The following CHD5 variants were observed in gnomAD, a reference collection of about 807,000 sequenced individuals.
CHD5 encodes the protein ATP-dependent chromatin remodeler CHD5.
A neutral mutation model predicts 230.3 loss-of-function variants in CHD5; 69 were observed. The observed-to-expected ratio is 0.30, with a 90% CI of 0.25 to 0.37. The LOEUF (loss-of-function observed/expected upper bound fraction) is 0.37, where lower values mean the gene tolerates loss of function less well. Among genes scored for constraint, CHD5 ranks in the 10% least tolerant of loss-of-function variants. CHD5 has a pLI of 1.00. For synonymous variants in CHD5, 1,064 were observed against 1,065.9 expected (o/e 1.00, Z 0.03); for missense variants, 1,827 against 2,622.8 (o/e 0.70, Z 6.63).
intron 2 of CHD5, among the ~76,000 whole-genome samples, chr1:6,165,953 G>A (rs550729871): frequency 1.1e-4 from 17 of 152,108 alleles, no homozygotes; most frequent in Non-Finnish European, 2.5e-4. Context: ...GAGTCTCTGG[G>A]GCATGATGGG....
At chr1:6,175,687 TG>T (rs1362406005) in intron 1 of CHD5, among the ~76,000 whole-genome samples, 1 of 148,722 alleles carries the variant, frequency 6.7e-6, no homozygotes, top group African/African-American at 2.5e-5. Flanking sequence ...AACAAATGGA[TG>T]GATGGATGGA....
intron 29 of CHD5, 63 bp from the exon 30 acceptor site, chr1:6,124,724 G>A (rs1292308859): frequency 2.9e-6 from 3 of 1,047,346 alleles, no homozygotes; most frequent in Non-Finnish European, 1.4e-6. Context: ...CCTCTGAGAG[G>A]GCTGGCAGGA....
Position 6,175,410 on chromosome 1 carries a change from A to G in CHD5, c.79+4535T>C, listed in dbSNP as rs554526515. On this transcript the variant is annotated intron_variant, in intron 1 of 41. Transcript: ENST00000262450. ...GGATGCATGGATGGATGGTGGATAG[A>G]TGAATGGATGGATGACGGGTGGATA... Among the ~76,000 whole-genome samples, 6 of 149,276 alleles carry G rather than the reference A, an allele frequency of 4.0e-5. No homozygotes were observed. In the South Asian group the frequency reaches 1.1e-3, roughly 27 times the overall value.
chr1:6,122,430 C>G (rs1440468859), intron 31 of CHD5, among the ~76,000 whole-genome samples: 2 of 152,176 alleles, frequency 1.3e-5, no homozygotes, highest in African/African-American at 4.8e-5. Context: ...CAATCAGAAC[C>G]ACAGTGAGAC....
rs1441738040 is a variant in CHD5 at position 6,152,892 on chromosome 1, C to A, written c.746-356G>T. 2.6e-5 allele frequency among the ~76,000 whole-genome samples: 4 copies of A among 152,204 alleles called. No individual in the cohort carries two copies. The East Asian group carries it at 7.7e-4, about 29-fold the overall frequency. On this transcript the variant is annotated intron_variant, in intron 5 of 41. Transcript: ENST00000262450. ...CCAGCAGGGCCACTGAAGGCACAGC[C>A]GCCCACCTGTGGTCCATGCCTGAGC... is the stretch of plus-strand genomic sequence containing the variant.
Position 6,121,115 on chromosome 1 carries a change from C to A in CHD5, c.4902G>T (p.Gln1634His). The A allele has an allele frequency of 6.2e-7, 1 of 1,600,204 alleles. No individual in the cohort carries two copies. The highest frequency in any genetic ancestry group is 1.1e-5 in the South Asian group (1 of 88,738). ...GCAAGAAGCCCCAACCTCTCGGCAG[C>A]TGCTCCGGGGAGGGCGGGGCCTTCT... ...ETEKAPPSPE[Q>H]LPREEVLPEK... The change falls in exon 33 of 42, where the codon CAG becomes CAT. Residue 1634 changes from glutamine to histidine, a missense_variant. Around this residue, in one of 14 missense-constraint regions of CHD5, gnomAD observed 272 missense variants for 263.2 expected, o/e 1.03. Coordinates refer to ENST00000262450, the MANE Select transcript of CHD5 (RefSeq NM_015557.3). This position sits in a 1 kb window ranked among gnomAD's most constrained non-coding sequence, Gnocchi z 4.5.
intron 17 of CHD5, 50 bp from the exon 18 acceptor site, chr1:6,135,453 G>A (rs1448594106): frequency 6.5e-7 from 1 of 1,543,518 alleles, no homozygotes; most frequent in Admixed American, 1.8e-5. Context: ...CCGGGGCAGG[G>A]GAGGCAGGGT....
chr1:6,138,896 A>C (rs541326722), intron 15 of CHD5, among the ~76,000 whole-genome samples: 1 of 152,282 alleles, frequency 6.6e-6, no homozygotes, highest in East Asian at 1.9e-4. Context: ...AGATAAACAA[A>C]ATGTGGTCTA....
chr1:6,144,009 A>G lies in CHD5; in HGVS notation c.1934+15T>C. The G allele has an allele frequency of 6.2e-7, 1 of 1,614,068 alleles. No individual in the cohort carries two copies. Among genetic ancestry groups the G allele is most frequent in the Non-Finnish European group, 8.5e-7 (1 of 1,180,008 alleles). On this transcript the variant is annotated intron_variant, in intron 12 of 41. Transcript: ENST00000262450. ...CCGGCAGCCTGTGCCTAGCAGCCGG[A>G]TCCCTGCGACCCACCTGTGGCCCCA...
chr1:6,160,530 G>A (rs987305942), intron 2 of CHD5, among the ~76,000 whole-genome samples: 3 of 145,250 alleles, frequency 2.1e-5, no homozygotes, highest in Non-Finnish European at 3.0e-5. Context: ...GGGAAGGGCC[G>A]CTGCATCTCA....
intron 1 of CHD5, among the ~76,000 whole-genome samples, chr1:6,179,049 G>A (rs1056732009): frequency 2.0e-5 from 3 of 152,260 alleles, no homozygotes; most frequent in Non-Finnish European, 4.4e-5. Flanking sequence ...TGTGCCAGGA[G>A]GGAAAACGTC....
intron 2 of CHD5, among the ~76,000 whole-genome samples, chr1:6,166,705 G>A (rs1047378769): frequency 7.2e-6 from 1 of 139,442 alleles, no homozygotes; most frequent in South Asian, 2.2e-4. Flanking sequence ...ACCCGAACAA[G>A]CCGGGGAAGT....
Position 6,146,624 on chromosome 1 carries a change from A to G in CHD5, c.1590+41T>C. On this transcript the variant is annotated intron_variant, in intron 10 of 41. Transcript: ENST00000262450. This position sits in a 1 kb window ranked among gnomAD's most constrained non-coding sequence, Gnocchi z 5.1. Reference sequence around the variant, plus strand: ...AGCCCAGGAGGGTCCAGGGCTCACCAGGTCCCGGGCCTTAGCACAGCCACC... The same window carrying G: ...AGCCCAGGAGGGTCCAGGGCTCACCGGGTCCCGGGCCTTAGCACAGCCACC... The G allele has an allele frequency of 6.3e-7, 1 of 1,596,500 alleles. No individual in the cohort carries two copies. Among genetic ancestry groups the G allele is most frequent in the Non-Finnish European group, 8.6e-7 (1 of 1,164,618 alleles).
Position 6,151,086 on chromosome 1 carries a change from C to A in CHD5, c.940G>T (p.Glu314Ter), listed in dbSNP as rs754586094. 2 of 1,608,952 alleles carry A rather than the reference C, an allele frequency of 1.2e-6. No individual in the cohort carries two copies. Among genetic ancestry groups the A allele is most frequent in the Non-Finnish European group, 1.7e-6 (2 of 1,177,392 alleles). Residue 314 changes from glutamate (E) to a stop codon, truncating the protein, a stop_gained, in exon 7 of 42, where the codon GAA (glutamate) becomes TAA (stop). Coordinates refer to ENST00000262450, the MANE Select transcript of CHD5 (RefSeq NM_015557.3). LOFTEE classifies it high-confidence loss of function. ...TTCTTGCCCAGGGCTGCAGAGCATT[C>A]GGAGCGCACGGAGGCACTGTGGATG... ...ASIHSASVRS[E>*]CSAALGKKSK...
rs1326246265 is a variant in CHD5, at chr1:6,104,518, G to A, written c.*956C>T. 6.6e-6 allele frequency: 1 copy of A among 151,626 alleles called. No homozygotes were observed. The highest frequency in any genetic ancestry group is 6.6e-5 in the Admixed American group (1 of 15,236). 9.4% of individuals were successfully genotyped at this position (151,626 alleles called of 1,614,324 possible). On this transcript the variant is annotated 3_prime_UTR_variant, in exon 42 of 42. Coordinates refer to ENST00000262450, the MANE Select transcript of CHD5 (RefSeq NM_015557.3). ...GCCAGGGTCTCCTGGGCCAGCTCAG[G>A]GCCCATGACCCTCCTTGCTGGGGCG...
Position 6,159,490 on chromosome 1 carries a change from T to G in CHD5, c.233A>C (p.Asn78Thr). ...KEGSNDELSE[N>T]EEDLEEKSES... ...CGACTTCTCTTCCAGATCCTCTTCA[T>G]TCTCTGATAGCTCATCATTGCTCCC... The change falls in exon 3 of 42, where the codon AAT becomes ACT. Residue 78 changes from asparagine to threonine, a missense_variant. By Grantham distance (65) the Asn-to-Thr change is moderately conservative. This residue lies in a region of CHD5 where 657 missense variants were observed against 816.4 expected (regional missense o/e 0.80). Transcript: ENST00000262450. 6.3e-7 allele frequency: 1 copy of G among 1,599,578 alleles called. No homozygotes were observed. Among genetic ancestry groups the G allele is most frequent in the South Asian group, 1.1e-5 (1 of 88,840 alleles).
intron 1 of CHD5, among the ~76,000 whole-genome samples, chr1:6,170,414 T>C (rs1014264408): frequency 2.0e-5 from 3 of 152,088 alleles, no homozygotes; most frequent in African/African-American, 7.2e-5. Flanking sequence ...AGCCCCACTG[T>C]CCCCACTCCT....
At chr1:6,169,361 C>A (rs1470819425) in intron 1 of CHD5, among the ~76,000 whole-genome samples, 1 of 152,238 alleles carries the variant, frequency 6.6e-6, no homozygotes, top group African/African-American at 2.4e-5. Flanking sequence ...CTCACCTCAC[C>A]TGCACTGACT....
Position 6,125,331 on chromosome 1 carries a change from G to T in CHD5, c.4261-98C>A, listed in dbSNP as rs931821470. The T allele has an allele frequency of 1.6e-6, 2 of 1,287,796 alleles. No individual in the cohort carries two copies. The highest frequency in any genetic ancestry group is 1.4e-5 in the South Asian group (1 of 71,226). The allele number at this position is 1,287,796 out of a possible 1,614,324, so 79.8% of individuals were successfully genotyped here. Reference sequence around the variant, plus strand: ...AAGAAAAGCATGGGAGGAGGAGAAGGTAGGAAGGGGGCACAGAGAAGGCAG... The same window carrying T: ...AAGAAAAGCATGGGAGGAGGAGAAGTTAGGAAGGGGGCACAGAGAAGGCAG... On this transcript the variant is annotated intron_variant, in intron 28 of 41. Transcript: ENST00000262450. This position sits in a 1 kb window ranked among gnomAD's most constrained non-coding sequence, Gnocchi z 6.7.
Sources: gnomAD v4.1 joint callset for allele counts (sites outside exome capture counted in the v4.1 genomes callset) on GRCh38, gnomAD v4.1.1 for gene constraint, gnomAD v4.1.1 regional missense constraint, Gnocchi (gnomAD v3.1) non-coding constraint, MANE v1.5 for transcripts, NCBI Gene and HGNC (gene_info 2026-07-23, HGNC 2026-07-21) for gene names.